The following IFT52 variants were observed in gnomAD, a reference collection of about 807,000 sequenced individuals.
IFT52 encodes intraflagellar transport protein 52 homolog.
Under a neutral mutation model 54.4 loss-of-function variants are expected in IFT52, and 44 were observed. That is an observed-to-expected ratio of 0.81 (90% CI 0.63 to 1.04). The LOEUF (loss-of-function observed/expected upper bound fraction) is 1.04, where lower values mean the gene tolerates loss of function less well. Among genes scored for constraint, IFT52 ranks in the 50% least tolerant of loss-of-function variants. The pLI is 0.00. For synonymous variants in IFT52, 181 were observed against 185.3 expected, an observed-to-expected ratio of 0.98 and a Z score of 0.19; for missense variants, 452 against 523.6, an observed-to-expected ratio of 0.86 and a Z score of 1.33.
chr20:43,592,605 A>G (rs1410204916), intron 1 of IFT52, among the ~76,000 whole-genome samples: 1 of 152,110 alleles, frequency 6.6e-6, no homozygotes. Context: ...GAAGTACTGA[A>G]GTAAAGCATT....
At chr20:43,603,663 G>T (rs1214455592) in intron 3 of IFT52, 97 bp from the exon 4 acceptor site, 2 of 1,111,316 alleles carry the variant, frequency 1.8e-6, no homozygotes, top group Admixed American at 2.2e-5. Context: ...TTATAGATTT[G>T]AAATATGTAT....
At chr20:43,625,379 G>A (rs1281652095) in intron 10 of IFT52, among the ~76,000 whole-genome samples, 2 of 151,958 alleles carry the variant, frequency 1.3e-5, no homozygotes, top group Non-Finnish European at 2.9e-5. Flanking sequence ...CACGATGGTG[G>A]GCACCTGTAA....
At position 43,605,038 on chromosome 20, in the gene IFT52, GA is replaced by G. The variant is rs1198786023; in HGVS notation, c.451del (p.Ile151SerfsTer24). 1.1e-5 allele frequency: 17 copies of G among 1,613,628 alleles called. No homozygotes were observed. Among genetic ancestry groups the G allele is most frequent in the Non-Finnish European group, 1.4e-5 (16 of 1,179,884 alleles). On this transcript the variant is annotated frameshift_variant, in exon 6 of 14. Transcript: ENST00000373030. LOFTEE classifies it high-confidence loss of function. ...GAGCTGCAGGAAAGGCTGTGCCTGG[GA>G]TCATTGATGAGGAAAGCAGTGGAAA... ...SRAAGKAVPG[I>X]IDEESSGNNA...
intron 3 of IFT52, among the ~76,000 whole-genome samples, chr20:43,598,447 C>A (rs933116204): frequency 3.3e-5 from 5 of 152,142 alleles, no homozygotes; most frequent in Admixed American, 2.0e-4. Context: ...GTAATCCCAG[C>A]ACTTTGGGAG....
chr20:43,639,819 A>G (rs1449307148), intron 12 of IFT52, among the ~76,000 whole-genome samples: 3 of 152,126 alleles, frequency 2.0e-5, no homozygotes, highest in Non-Finnish European at 4.4e-5. Flanking sequence ...CCTGGGTGAC[A>G]AAGGACCCTG....
chr20:43,596,360 G>C (rs992817798), intron 2 of IFT52, 75 bp from the exon 3 acceptor site: 1 of 946,136 alleles, frequency 1.1e-6, no homozygotes, highest in Non-Finnish European at 1.7e-6. Flanking sequence ...CTTCCAAATA[G>C]TTAAGAGACT....
intron 1 of IFT52, among the ~76,000 whole-genome samples, chr20:43,592,094 C>A (rs888994660): frequency 6.6e-6 from 1 of 152,156 alleles, no homozygotes. Flanking sequence ...GTGGCTCACA[C>A]CTGTAATCCC....
At chr20:43,641,730 G>T (rs559165466) in intron 12 of IFT52, among the ~76,000 whole-genome samples, 4 of 151,804 alleles carry the variant, frequency 2.6e-5, no homozygotes, top group African/African-American at 9.7e-5. Context: ...TCCTGACCTC[G>T]TGATCCGCTC....
intron 7 of IFT52, among the ~76,000 whole-genome samples, chr20:43,615,340 GC>G (rs1190469921): frequency 1.3e-5 from 2 of 152,050 alleles, no homozygotes; most frequent in African/African-American, 4.8e-5. Context: ...ACTGTGCCCA[GC>G]CCCCACTGCG....
At chr20:43,637,641 G>C (rs1038562120) in intron 12 of IFT52, among the ~76,000 whole-genome samples, 2 of 152,182 alleles carry the variant, frequency 1.3e-5, no homozygotes, top group African/African-American at 4.8e-5. Flanking sequence ...TGCTATGAGA[G>C]ACTGCTTAGA....
At position 43,604,162 on chromosome 20, in the gene IFT52, C is replaced by T. The variant is rs368155546; in HGVS notation, c.338-21C>T. ...TTTATTTCTAACCTAAAATATACCT[C>T]CTTCTCTTTTTCCCTCATAGATGCT... On this transcript the variant is annotated intron_variant, in intron 4 of 13. Coordinates refer to ENST00000373030, the MANE Select transcript of IFT52 (RefSeq NM_016004.5). The T allele has an allele frequency of 8.3e-6, 13 of 1,558,314 alleles. 1 individual carries two copies. The highest frequency in any genetic ancestry group is 5.6e-5 in the South Asian group (5 of 89,764).
chr20:43,596,569 T>A, intron 3 of IFT52, 47 bp downstream of exon 3: 1 of 1,288,968 alleles, frequency 7.8e-7, no homozygotes, highest in Non-Finnish European at 1.1e-6. Flanking sequence ...TGATTAGGAG[T>A]CTGAGCTTTG....
intron 10 of IFT52, among the ~76,000 whole-genome samples, chr20:43,633,187 T>C (rs1468577563): frequency 6.6e-6 from 1 of 150,784 alleles, no homozygotes; most frequent in African/African-American, 2.4e-5. Context: ...CTACTAAAAA[T>C]ACAAAATTAG....
chr20:43,627,904 TAGAGAG>T (rs34658714), intron 10 of IFT52, among the ~76,000 whole-genome samples: 2 of 74,916 alleles, frequency 2.7e-5, no homozygotes, highest in African/African-American at 5.0e-5. Flanking sequence ...CATATATATA[TAGAGAG>T]AGAGAGAGAG....
intron 10 of IFT52, 40 bp from the exon 11 acceptor site, chr20:43,635,886 G>T: frequency 6.4e-7 from 1 of 1,570,194 alleles, no homozygotes; most frequent in South Asian, 1.1e-5. Flanking sequence ...CTGAGCTATA[G>T]TGTCTTGATC....
chr20:43,645,835 A>G lies in IFT52; in HGVS notation c.1267-1101A>G, dbSNP rs6031015. ...AGCAGTGATCATGCCACTGCACTCC[A>G]TCCAGGGTGATAGAGTGAGACCCTG... is the stretch of plus-strand genomic sequence containing the variant. On this transcript the variant is annotated intron_variant, in intron 13 of 13. Transcript: ENST00000373030. 3.7e-4 allele frequency among the ~76,000 whole-genome samples: 19 copies of G among 50,902 alleles called. 7 individuals are homozygous for G. Among genetic ancestry groups the G allele is most frequent in the African/African-American group, 1.1e-3 (19 of 17,604 alleles). 33.4% of individuals were successfully genotyped at this position (50,902 alleles called of 152,430 possible). A position where few individuals can be genotyped will look rare whatever the true frequency, so the allele number is the denominator to read the frequency against.
intron 8 of IFT52, among the ~76,000 whole-genome samples, chr20:43,619,910 CTTTTTTTTTTT>C (rs11482384): frequency 1.2e-5 from 1 of 82,776 alleles, no homozygotes; most frequent in Non-Finnish European, 2.1e-5. Context: ...AGATATTCTA[CTTTTTTTTTTT>C]TTTTTTTTTT....
intron 6 of IFT52, among the ~76,000 whole-genome samples, chr20:43,605,406 G>T (rs187186601): frequency 8.5e-5 from 13 of 152,288 alleles, no homozygotes; most frequent in African/African-American, 2.6e-4. Flanking sequence ...AATTAGCCAG[G>T]CGTGGTGGTG....
chr20:43,594,742 A>G lies in IFT52; in HGVS notation c.44A>G (p.Lys15Arg), dbSNP rs1360356289. ...LRSTILFNAY[K>R]KEIFTTNNGY... ...AGCACCATTCTTTTCAATGCCTACA[A>G]AAAGGAGATATTTACCACCAACAAT... is the stretch of plus-strand genomic sequence containing the variant. The change falls in exon 2 of 14, where the codon AAA becomes AGA. Residue 15 changes from lysine to arginine, a missense_variant. Lys to Arg is a conservative substitution (Grantham distance 26). Coordinates refer to ENST00000373030, the MANE Select transcript of IFT52 (RefSeq NM_016004.5). 6.2e-7 allele frequency: 1 copy of G among 1,613,444 alleles called. No homozygotes were observed. The highest frequency in any genetic ancestry group is 1.3e-5 in the African/African-American group (1 of 75,038).
Sources: gnomAD v4.1 joint callset for allele counts (sites outside exome capture counted in the v4.1 genomes callset) on GRCh38, gnomAD v4.1.1 for gene constraint, MANE v1.5 for transcripts, NCBI Gene and HGNC (gene_info 2026-07-23, HGNC 2026-07-21) for gene names.